Variants in FASN observed in about 807,000 individuals in gnomAD.
The protein encoded by FASN is 3-hydroxyacyl-[acyl-carrier-protein] dehydratase.
Under a neutral mutation model 250.0 loss-of-function variants are expected in FASN, and 50 were observed. The ratio of observed to expected loss-of-function variants is 0.20; its 90% CI spans 0.16 to 0.25. The LOEUF (loss-of-function observed/expected upper bound fraction) is 0.25. Ranked by LOEUF, FASN falls within the 10% of genes least tolerant of loss-of-function variation. The pLI, the probability that FASN is intolerant of heterozygous loss-of-function variation, is 1.00. For synonymous variants in FASN, 1,909 were observed against 1,584.0 expected, an observed-to-expected ratio of 1.21 and a Z score of -4.87; for missense variants, 3,031 against 3,498.5, an observed-to-expected ratio of 0.87 and a Z score of 3.37.
rs576390200 is a variant in FASN at position 82,089,077 on chromosome 17, G to C, written c.2196C>G (p.Ala732=). Residue 732 remains alanine, a synonymous_variant, in exon 14 of 43, where the codon GCC becomes GCG. Coordinates refer to ENST00000306749, the MANE Select transcript of FASN (RefSeq NM_004104.5). ...TCACCAGGTTGTTGACATTGTACTCGGCGGAGGACGTGCGTGCCAGGCTGC... is the reference window on the plus strand; with the variant it reads ...TCACCAGGTTGTTGACATTGTACTCCGCGGAGGACGTGCGTGCCAGGCTGC... ...WHSSLARTSS[A]EYNVNNLVSP... 1 of 1,584,294 alleles carries C rather than the reference G, an allele frequency of 6.3e-7. No individual in the cohort carries two copies. Among genetic ancestry groups the C allele is most frequent in the African/African-American group, 1.4e-5 (1 of 73,904 alleles).
At position 82,084,501 on chromosome 17, in the gene FASN, T is replaced by G. The variant is rs1471476716; in HGVS notation, c.4768+12A>C. ...GGCCCAGTCCACTCCCACGGCCCCA[T>G]GCCACCCATACCTGGGATGGCATCA... On this transcript the variant is annotated intron_variant, in intron 27 of 42. Transcript: ENST00000306749. 2 of 1,603,814 alleles carry G rather than the reference T, an allele frequency of 1.2e-6. No homozygotes were observed. The highest frequency in any genetic ancestry group is 1.7e-6 in the Non-Finnish European group (2 of 1,176,086).
intron 10 of FASN, 89 bp downstream of exon 10, chr17:82,090,793 C>T: frequency 6.8e-7 from 1 of 1,469,406 alleles, no homozygotes. Context: ...TGTCAGGGGC[C>T]CCGGACTCAA....
intron 2 of FASN, 36 bp from the exon 3 acceptor site, chr17:82,095,508 A>G (rs1375181215): frequency 5.0e-6 from 8 of 1,608,286 alleles, no homozygotes; most frequent in Non-Finnish European, 6.8e-6. Flanking sequence ...CTCTGACGGA[A>G]GCTGCCCAGA....
At position 82,093,706 on chromosome 17, in the gene FASN, T is replaced by C. The variant is rs2034255108; in HGVS notation, c.346A>G (p.Thr116Ala). 6.2e-7 allele frequency: 1 copy of C among 1,612,464 alleles called. No individual in the cohort carries two copies. The change falls in exon 4 of 43, where the codon ACC becomes GCC. Residue 116 changes from threonine to alanine, a missense_variant. Coordinates refer to ENST00000306749, the MANE Select transcript of FASN (RefSeq NM_004104.5). Reference sequence around the variant, plus strand: ...GGGTCTCGGCTCAGGGCCTCCGAGGTCTCAGAGCCGCTCACGCCCACCCAG... The same window carrying C: ...GGGTCTCGGCTCAGGGCCTCCGAGGCCTCAGAGCCGCTCACGCCCACCCAG... ...GVWVGVSGSETSEALSRDPET... is the reference protein window; with the variant it reads ...GVWVGVSGSEASEALSRDPET...
At chr17:82,089,545 G>T in intron 12 of FASN, 87 bp downstream of exon 12, 1 of 1,542,410 alleles carries the variant, frequency 6.5e-7, no homozygotes, top group East Asian at 2.4e-5. Flanking sequence ...GAGCTTGGTG[G>T]GGCGTAGACC....
intron 24 of FASN, 35 bp from the exon 25 acceptor site, chr17:82,085,191 G>T: frequency 6.2e-7 from 1 of 1,612,402 alleles, no homozygotes; most frequent in Non-Finnish European, 8.5e-7. Flanking sequence ...GCCACACTCG[G>T]CAAGTTGGGA....
rs372671220 is a variant in FASN at position 82,087,204 on chromosome 17, G to C, written c.3273C>G (p.Gly1091=). ...CAGTGTGGAGCCCGGAGATGTGGAC[G>C]CCTCCGGCCACTGTGACCCTCAGCC... ...SRWLRVTVAG[G]VHISGLHTES... Residue 1091 remains glycine, a synonymous_variant, in exon 21 of 43, where the codon GGC becomes GGG. Transcript: ENST00000306749. The C allele has an allele frequency of 1.9e-6, 3 of 1,604,766 alleles. No homozygotes were observed. The East Asian group carries it at 6.7e-5, about 36-fold the overall frequency.
intron 4 of FASN, 50 bp downstream of exon 4, chr17:82,093,548 G>A (rs1263313210): frequency 6.2e-7 from 1 of 1,611,014 alleles, no homozygotes; most frequent in Non-Finnish European, 8.5e-7. Flanking sequence ...TGCTCAGCAT[G>A]TGGGGACCTG....
In FASN at chr17:82,089,380, G is replaced by A. The variant is rs200575117; in HGVS notation, c.1970C>T (p.Pro657Leu). Residue 657 changes from proline (P) to leucine (L), a missense_variant, in exon 13 of 43, where the codon CCG (proline) becomes CTG (leucine). Coordinates refer to ENST00000306749, the MANE Select transcript of FASN (RefSeq NM_004104.5). ...CAGCTGCTCCACGAACTCAAACACCGGGGCCTGGACATCGTGGGAGCCTGG... is the reference window on the plus strand; with the variant it reads ...CAGCTGCTCCACGAACTCAAACACCAGGGCCTGGACATCGTGGGAGCCTGG... Reference protein sequence around the residue: ...DTVTISGPQAPVFEFVEQLRK... With the variant: ...DTVTISGPQALVFEFVEQLRK... 4.8e-5 allele frequency: 77 copies of A among 1,612,756 alleles called. No individual in the cohort carries two copies. The highest frequency in any genetic ancestry group is 2.3e-4 in the African/African-American group (17 of 75,032).
chr17:82,095,580 C>T (rs982981641), intron 2 of FASN, 108 bp from the exon 3 acceptor site: 2 of 1,364,734 alleles, frequency 1.5e-6, no homozygotes, highest in Admixed American at 1.9e-5. Flanking sequence ...TGAGGACTCT[C>T]TGCTATGCCT....
In FASN at chr17:82,091,693, G is replaced by A. The variant is rs767568881; in HGVS notation, c.1030-9C>T. On this transcript the variant is annotated splice_polypyrimidine_tract_variant and intron_variant, in intron 8 of 42. Coordinates refer to ENST00000306749, the MANE Select transcript of FASN (RefSeq NM_004104.5). The stretch of plus-strand genomic sequence containing the variant: ...TCCAGGGACAGCAGCACCTGCGGGG[G>A]TACGTGGTGGATGGGCAGCCGCCCC... 1.3e-6 allele frequency: 2 copies of A among 1,563,138 alleles called. No homozygotes were observed. Among genetic ancestry groups the A allele is most frequent in the Non-Finnish European group, 1.7e-6 (2 of 1,153,320 alleles).
intron 1 of FASN, 147 bp from the exon 2 acceptor site, chr17:82,096,599 T>C (rs887072910): frequency 1.6e-6 from 2 of 1,271,594 alleles, no homozygotes; most frequent in Admixed American, 1.7e-5. Flanking sequence ...GCTCCCTTCC[T>C]CATGTGGCCA....
intron 33 of FASN, 105 bp downstream of exon 33, chr17:82,082,808 AC>A: frequency 1.3e-6 from 2 of 1,543,704 alleles, no homozygotes; most frequent in Non-Finnish European, 8.8e-7. Flanking sequence ...AGGGGGACAG[AC>A]CCCAGGCACC....
At chr17:82,093,044 C>A (rs767606470) in intron 5 of FASN, 25 bp from the exon 6 acceptor site, 43 of 1,610,120 alleles carry the variant, frequency 2.7e-5, no homozygotes, top group Non-Finnish European at 3.6e-5. Flanking sequence ...ACCTCAGGCC[C>A]GGGGCTCAGC....
intron 41 of FASN, 106 bp downstream of exon 41, chr17:82,080,023 AGGGGTGAAGTT>A (rs2033959105): frequency 5.3e-6 from 6 of 1,128,472 alleles, no homozygotes; most frequent in Admixed American, 3.5e-5. Context: ...CGGCTATTAA[AGGGGTGAAGTT>A]GGGGGGCCTT....
Position 82,078,919 on chromosome 17 carries a change from C to T in FASN, c.*224G>A, listed in dbSNP as rs1242725425. ...CGGGCACCACCGGCTCTTCACAGACCAGGAGTCTCCAAGTCGGCAGCTCTG... is the reference window on the plus strand; with the variant it reads ...CGGGCACCACCGGCTCTTCACAGACTAGGAGTCTCCAAGTCGGCAGCTCTG... On this transcript the variant is annotated 3_prime_UTR_variant, in exon 43 of 43. Transcript: ENST00000306749. This position sits in a 1 kb window ranked among gnomAD's most constrained non-coding sequence, Gnocchi z 5.4. The T allele has an allele frequency of 1.3e-5, 8 of 628,438 alleles. No homozygotes were observed. The highest frequency in any genetic ancestry group is 2.0e-5 in the Non-Finnish European group (7 of 358,396). The allele number at this position is 628,438 out of a possible 1,614,324, so 38.9% of individuals were successfully genotyped here.
At chr17:82,092,659 C>T (rs763393982) in intron 7 of FASN, 38 bp downstream of exon 7, 42 of 1,540,154 alleles carry the variant, frequency 2.7e-5, no homozygotes, top group Non-Finnish European at 3.5e-5. Flanking sequence ...AGGTTAGGCT[C>T]ATGGGGTGGT....
chr17:82,092,257 G>A (rs535281520), intron 8 of FASN, among the ~76,000 whole-genome samples, 198 bp downstream of exon 8: 5 of 152,326 alleles, frequency 3.3e-5, no homozygotes, highest in Non-Finnish European at 5.9e-5. Flanking sequence ...AAGGCCCAGC[G>A]AGCCTGGCTA....
At chr17:82,093,173 C>A in intron 5 of FASN, 46 bp downstream of exon 5, 1 of 1,542,654 alleles carries the variant, frequency 6.5e-7, no homozygotes, top group South Asian at 1.2e-5. Context: ...GGGGGCCGTC[C>A]TGTGCCACTG....
Sources: gnomAD v4.1 joint callset for allele counts (sites outside exome capture counted in the v4.1 genomes callset) on GRCh38, gnomAD v4.1.1 for gene constraint, Gnocchi (gnomAD v3.1) non-coding constraint, MANE v1.5 for transcripts, NCBI Gene and HGNC (gene_info 2026-07-23, HGNC 2026-07-21) for gene names.